The following TRAPPC8 variants were observed in gnomAD, a reference collection of about 807,000 sequenced individuals.
TRAPPC8 encodes the protein trafficking protein particle complex subunit 8.
In TRAPPC8, 54 loss-of-function variants were observed where a neutral mutation model predicts 174.3. The observed-to-expected ratio is 0.31, with a 90% CI of 0.25 to 0.39. The LOEUF (loss-of-function observed/expected upper bound fraction) is 0.39. Among genes scored for constraint, TRAPPC8 ranks in the 10% least tolerant of loss-of-function variants. The pLI is 1.00. For synonymous variants in TRAPPC8, 630 were observed against 579.9 expected (o/e 1.09, Z -1.24); for missense variants, 1,531 against 1,699.1 (o/e 0.90, Z 1.74).
At chr18:31,916,724 G>A (rs2037164584) in intron 3 of TRAPPC8, among the ~76,000 whole-genome samples, 1 of 151,782 alleles carries the variant, frequency 6.6e-6, no homozygotes, top group African/African-American at 2.4e-5. Flanking sequence ...TGTAAAGACG[G>A]GGTTTCACCA....
chr18:31,933,754 C>A (rs909754810), intron 1 of TRAPPC8, among the ~76,000 whole-genome samples: 1 of 151,772 alleles, frequency 6.6e-6, no homozygotes, highest in African/African-American at 2.4e-5. Flanking sequence ...TATATGCATA[C>A]AAACTTTTCT....
At chr18:31,900,891 C>A in intron 10 of TRAPPC8, 34 bp downstream of exon 10, 320 of 1,254,368 alleles carry the variant, frequency 2.6e-4, no homozygotes, top group Non-Finnish European at 3.1e-4. Context: ...TGACCTTTAA[C>A]TGGATACAAT....
chr18:31,892,886 G>C (rs1247498926), intron 11 of TRAPPC8, among the ~76,000 whole-genome samples: 2 of 152,092 alleles, frequency 1.3e-5, no homozygotes, highest in Non-Finnish European at 2.9e-5. Context: ...GCATGATGGT[G>C]AGTGTCTGTG....
chr18:31,832,219 T>A, intron 27 of TRAPPC8, 46 bp from the exon 28 acceptor site: 1 of 1,225,394 alleles, frequency 8.2e-7, no homozygotes, highest in Non-Finnish European at 1.1e-6. Context: ...TTTTTCTTCT[T>A]AAAAGCAATT....
chr18:31,913,291 T>C, intron 5 of TRAPPC8, 78 bp downstream of exon 5: 1 of 1,428,346 alleles, frequency 7.0e-7, no homozygotes, highest in South Asian at 1.4e-5. Context: ...TTAATATGAA[T>C]AATTATACTA....
At chr18:31,941,195 C>G (rs2038324133) in intron 1 of TRAPPC8, among the ~76,000 whole-genome samples, 1 of 152,214 alleles carries the variant, frequency 6.6e-6, no homozygotes, top group South Asian at 2.1e-4. Flanking sequence ...ATAATCCCCG[C>G]ACTTTGCGAG....
intron 3 of TRAPPC8, among the ~76,000 whole-genome samples, chr18:31,917,045 T>C (rs2037179831): frequency 6.6e-6 from 1 of 151,634 alleles, no homozygotes; most frequent in Admixed American, 6.6e-5. Flanking sequence ...TCAACAGAAA[T>C]GAATTCTGCT....
At chr18:31,862,880 C>T (rs1359321856) in intron 19 of TRAPPC8, among the ~76,000 whole-genome samples, 4 of 151,910 alleles carry the variant, frequency 2.6e-5, no homozygotes, top group Admixed American at 2.0e-4. Context: ...ACAGTGAAAC[C>T]TCGTCTCTAC....
At chr18:31,846,362 C>CCAG (rs1227043246) in intron 26 of TRAPPC8, among the ~76,000 whole-genome samples, 4 of 151,946 alleles carry the variant, frequency 2.6e-5, no homozygotes, top group African/African-American at 9.7e-5. Flanking sequence ...TCGCTTGAGC[C>CCAG]CAGGAGTTCA....
At chr18:31,912,510 C>T (rs917585862) in intron 5 of TRAPPC8, among the ~76,000 whole-genome samples, 7 of 151,600 alleles carry the variant, frequency 4.6e-5, no homozygotes, top group African/African-American at 9.7e-5. Context: ...AAAAATTAGC[C>T]GGGCATGGTG....
chr18:31,889,203 G>T (rs1434134177), intron 12 of TRAPPC8, among the ~76,000 whole-genome samples: 1 of 152,120 alleles, frequency 6.6e-6, no homozygotes, highest in Non-Finnish European at 1.5e-5. Flanking sequence ...ACTTCACAGG[G>T]TTATATACTA....
At chr18:31,942,244 G>C (rs1056649237) in intron 1 of TRAPPC8, among the ~76,000 whole-genome samples, 3 of 152,182 alleles carry the variant, frequency 2.0e-5, no homozygotes, top group Non-Finnish European at 4.4e-5. Context: ...CGGTCTAAGA[G>C]GCAGCATTTT....
chr18:31,873,630 A>G (rs2035002157), intron 13 of TRAPPC8, 92 bp from the exon 14 acceptor site: 2 of 817,962 alleles, frequency 2.4e-6, no homozygotes, highest in Non-Finnish European at 1.9e-6. Context: ...GGCATTAAAA[A>G]TATGTTAAGC....
intron 13 of TRAPPC8, chr18:31,874,236 TTAAGATTCTAAG>T: frequency 2.1e-6 from 1 of 477,500 alleles, no homozygotes. Context: ...TTTTTTTTTT[TTAAGATTCTAAG>T]AACAGCCACA....
Position 31,933,825 on chromosome 18 carries a change from C to T in TRAPPC8, c.158-2302G>A, listed in dbSNP as rs116540268. Among the ~76,000 whole-genome samples, 885 of 151,790 alleles carry T rather than the reference C, an allele frequency of 5.8e-3. 11 individuals carry two copies. Among genetic ancestry groups the T allele is most frequent in the African/African-American group, 0.02 (845 of 41,408 alleles). ...TTTACTAAAAAAAAAGACTCAAAAACGTTTTTAAAATACTGTATGTGGTAC... is the reference window on the plus strand; with the variant it reads ...TTTACTAAAAAAAAAGACTCAAAAATGTTTTTAAAATACTGTATGTGGTAC... On this transcript the variant is annotated intron_variant, in intron 1 of 28. Transcript: ENST00000283351.
chr18:31,887,996 G>C (rs970068720), intron 12 of TRAPPC8, among the ~76,000 whole-genome samples: 1 of 152,076 alleles, frequency 6.6e-6, no homozygotes, highest in African/African-American at 2.4e-5. Context: ...AGCAACTTCA[G>C]CAAAATCTCA....
rs1174111824 is a variant in TRAPPC8 at position 31,857,553 on chromosome 18, G to T, written c.3175C>A (p.Gln1059Lys). The T allele has an allele frequency of 6.3e-7, 1 of 1,591,054 alleles. No homozygotes were observed. Among genetic ancestry groups the T allele is most frequent in the Admixed American group, 1.8e-5 (1 of 55,034 alleles). The change falls in exon 20 of 29, where the codon CAG becomes AAG. Residue 1059 changes from glutamine (Q) to lysine (K), a missense_variant. Coordinates refer to ENST00000283351, the MANE Select transcript of TRAPPC8 (RefSeq NM_014939.5). ...FLFYYESVKK[Q>K]PKIRHRILRH... is the part of the protein sequence containing the mutation. ...TATAATACTAACCGTATTTTTGGCT[G>T]CTTTTTGACACTTTCATAGTAAAAC...
intron 13 of TRAPPC8, chr18:31,874,265 G>T: frequency 2.0e-6 from 1 of 507,292 alleles, no homozygotes; most frequent in Non-Finnish European, 3.4e-6. Flanking sequence ...CACAAATCAA[G>T]TGTTCATTGT....
At chr18:31,872,940 A>G (rs1280468982) in intron 14 of TRAPPC8, among the ~76,000 whole-genome samples, 1 of 151,828 alleles carries the variant, frequency 6.6e-6, no homozygotes, top group African/African-American at 2.4e-5. Context: ...CTGGAAAGAG[A>G]AACACCAAAA....
Sources: gnomAD v4.1 joint callset for allele counts (sites outside exome capture counted in the v4.1 genomes callset) on GRCh38, gnomAD v4.1.1 for gene constraint, MANE v1.5 for transcripts, NCBI Gene and HGNC (gene_info 2026-07-23, HGNC 2026-07-21) for gene names.